The following CAMTA1 variants were observed in gnomAD, a reference collection of about 807,000 sequenced individuals.
The protein encoded by CAMTA1 is calmodulin-binding transcription activator 1.
CAMTA1 carries 27 observed loss-of-function variants against 170.9 expected under a neutral mutation model. The observed-to-expected ratio is 0.16, with a 90% CI of 0.12 to 0.22. The LOEUF (loss-of-function observed/expected upper bound fraction) is 0.22. Ranked by LOEUF, CAMTA1 falls within the 10% of genes least tolerant of loss-of-function variation. CAMTA1 has a pLI of 1.00. For synonymous variants in CAMTA1, 833 were observed against 891.5 expected, an observed-to-expected ratio of 0.93 and a Z score of 1.17; for missense variants, 1,619 against 2,217.2, an observed-to-expected ratio of 0.73 and a Z score of 5.42.
At chr1:7,331,892 G>A (rs938149284) in intron 5 of CAMTA1, among the ~76,000 whole-genome samples, 4 of 152,300 alleles carry the variant, frequency 2.6e-5, no homozygotes, top group African/African-American at 9.6e-5. Context: ...GAGCTCTTTT[G>A]AGGTCTTTGT....
chr1:7,200,410 C>G (rs1190285947), intron 4 of CAMTA1, among the ~76,000 whole-genome samples: 1 of 152,210 alleles, frequency 6.6e-6, no homozygotes, highest in African/African-American at 2.4e-5. Flanking sequence ...ACAGAAATTT[C>G]AACAATTGTC....
At chr1:7,069,720 A>G (rs1638353697) in intron 3 of CAMTA1, among the ~76,000 whole-genome samples, 1 of 152,112 alleles carries the variant, frequency 6.6e-6, no homozygotes, top group African/African-American at 2.4e-5. Flanking sequence ...GGGGACTGGC[A>G]GAGGAGCTGG....
chr1:7,539,518 T>G lies in CAMTA1; in HGVS notation c.510+71617T>G, dbSNP rs559179138. On this transcript the variant is annotated intron_variant, in intron 6 of 22. Coordinates refer to ENST00000303635, the MANE Select transcript of CAMTA1 (RefSeq NM_015215.4). The stretch of plus-strand genomic sequence containing the variant: ...AATGTTCCTCTTGGGGCTATTGCGC[T>G]GAACCATTCCAGGGGATATATCACT... Among the ~76,000 whole-genome samples the G allele has an allele frequency of 6.2e-4, 94 of 152,380 alleles. 3 individuals are homozygous for G. In the South Asian group the frequency reaches 0.019, roughly 31 times the overall value.
intron 6 of CAMTA1, among the ~76,000 whole-genome samples, chr1:7,477,728 G>A (rs896835493): frequency 6.6e-6 from 1 of 152,142 alleles, no homozygotes; most frequent in Non-Finnish European, 1.5e-5. Flanking sequence ...ACATCCAGTC[G>A]GCTTTCTCAG....
chr1:7,383,950 C>G (rs946984737), intron 5 of CAMTA1, among the ~76,000 whole-genome samples: 5 of 152,068 alleles, frequency 3.3e-5, no homozygotes, highest in African/African-American at 1.2e-4. Context: ...ATAGTGGGAG[C>G]AAAGTCCAAA....
chr1:7,719,745 A>G (rs1010128011), intron 11 of CAMTA1, among the ~76,000 whole-genome samples: 1 of 152,178 alleles, frequency 6.6e-6, no homozygotes, highest in Non-Finnish European at 1.5e-5. Flanking sequence ...TCGTGGCACC[A>G]TTTATTCTGG....
chr1:7,737,395 G>A lies in CAMTA1; in HGVS notation c.3483G>A (p.Glu1161=). The A allele has an allele frequency of 6.2e-7, 1 of 1,614,256 alleles. No homozygotes were observed. The highest frequency in any genetic ancestry group is 8.5e-7 in the Non-Finnish European group (1 of 1,180,052). Residue 1161 remains glutamate, a synonymous_variant, in exon 15 of 23, where the codon GAG becomes GAA. Transcript: ENST00000303635. The part of the protein sequence containing the change: ...ARSRGHVKLA[E]CLEHLQRDEQ... ...CACGGGGTCATGTGAAATTAGCAGA[G>A]TGTCTGGAGCACCTGCAGAGAGATG...
intron 5 of CAMTA1, among the ~76,000 whole-genome samples, chr1:7,429,155 G>A (rs2092025579): frequency 6.6e-6 from 1 of 152,170 alleles, no homozygotes. Context: ...CACCTACAGG[G>A]TGTATGTCCT....
At chr1:7,297,902 C>T (rs571059328) in intron 5 of CAMTA1, among the ~76,000 whole-genome samples, 92 of 152,314 alleles carry the variant, frequency 6.0e-4, no homozygotes, top group Middle Eastern at 3.4e-3. Flanking sequence ...AGGGCAAATC[C>T]AATCCTAGTC....
intron 5 of CAMTA1, among the ~76,000 whole-genome samples, chr1:7,308,292 T>C (rs866329868): frequency 1.2e-4 from 18 of 152,036 alleles, no homozygotes; most frequent in Admixed American, 8.5e-4. Flanking sequence ...ATTTATCTTT[T>C]CAGCAAACTA....
intron 11 of CAMTA1, among the ~76,000 whole-genome samples, chr1:7,687,705 A>C (rs1246006552): frequency 6.6e-6 from 1 of 152,188 alleles, no homozygotes; most frequent in Non-Finnish European, 1.5e-5. Context: ...CCAGGAGGGC[A>C]GCTTCTGTGT....
rs1484685066 is a variant in CAMTA1 at position 7,093,393 on chromosome 1, G to C, written c.302+2022G>C. Among the ~76,000 whole-genome samples, 1 of 152,184 alleles carries C rather than the reference G, an allele frequency of 6.6e-6. No homozygotes were observed. The highest frequency in any genetic ancestry group is 2.4e-5 in the African/African-American group (1 of 41,504). ...CTGGACCATTTCCTGACTTCCAAGG[G>C]TGGCCCTTATCTCAAGCAGCCGCCA... On this transcript the variant is annotated intron_variant, in intron 4 of 22. Coordinates refer to ENST00000303635, the MANE Select transcript of CAMTA1 (RefSeq NM_015215.4). The surrounding 1 kb of genome is among the most constrained non-coding windows in gnomAD (Gnocchi z 4.6).
At chr1:6,897,876 A>T (rs528996718) in intron 3 of CAMTA1, among the ~76,000 whole-genome samples, 108 of 152,222 alleles carry the variant, frequency 7.1e-4, no homozygotes, top group African/African-American at 2.5e-3. Context: ...AGCCAAAATG[A>T]TTTTCTGCCC....
intron 5 of CAMTA1, among the ~76,000 whole-genome samples, chr1:7,380,657 C>A (rs2087225277): frequency 6.6e-6 from 1 of 152,212 alleles, no homozygotes; most frequent in Non-Finnish European, 1.5e-5. Context: ...GGGCCTAGTT[C>A]CATCAGGTCT....
chr1:7,262,964 C>T (rs1336543059), intron 5 of CAMTA1, among the ~76,000 whole-genome samples: 3 of 152,180 alleles, frequency 2.0e-5, no homozygotes, highest in Non-Finnish European at 4.4e-5. Flanking sequence ...TCACACTTGC[C>T]TTTTCCTGGA....
chr1:6,993,465 C>G (rs948214552), intron 3 of CAMTA1, among the ~76,000 whole-genome samples: 1 of 151,810 alleles, frequency 6.6e-6, no homozygotes. Context: ...TTTTAGACAC[C>G]ATTACTAAAA....
At chr1:7,620,358 C>T (rs760783698) in intron 6 of CAMTA1, among the ~76,000 whole-genome samples, 4 of 152,104 alleles carry the variant, frequency 2.6e-5, no homozygotes, top group Non-Finnish European at 4.4e-5. Flanking sequence ...AGTTGTGAGG[C>T]TGAGAAACCT....
At chr1:7,733,093 T>C (rs2096746368) in intron 12 of CAMTA1, among the ~76,000 whole-genome samples, 2 of 152,092 alleles carry the variant, frequency 1.3e-5, no homozygotes, top group South Asian at 4.2e-4. Context: ...TCCCAGCTAC[T>C]CAGGAGGCTG....
chr1:7,109,336 C>T lies in CAMTA1; in HGVS notation c.302+17965C>T, dbSNP rs537479804. 1.8e-3 allele frequency among the ~76,000 whole-genome samples: 276 copies of T among 152,280 alleles called. 1 individual carries two copies. Among genetic ancestry groups the T allele is most frequent in the African/African-American group, 6.4e-3 (265 of 41,554 alleles). Reference sequence around the variant, plus strand: ...TACACGAAAGCACTGATAAGAGGGGCAAAGTGTAGGAAGAACAGGCCACAA... The same window carrying T: ...TACACGAAAGCACTGATAAGAGGGGTAAAGTGTAGGAAGAACAGGCCACAA... On this transcript the variant is annotated intron_variant, in intron 4 of 22. Coordinates refer to ENST00000303635, the MANE Select transcript of CAMTA1 (RefSeq NM_015215.4).
Sources: gnomAD v4.1 joint callset for allele counts (sites outside exome capture counted in the v4.1 genomes callset) on GRCh38, gnomAD v4.1.1 for gene constraint, Gnocchi (gnomAD v3.1) non-coding constraint, MANE v1.5 for transcripts, NCBI Gene and HGNC (gene_info 2026-07-23, HGNC 2026-07-21) for gene names.